The following SORCS3 variants were observed in gnomAD, a reference collection of about 807,000 sequenced individuals.
SORCS3 encodes the protein sortilin related VPS10 domain containing receptor 3.
SORCS3 carries 57 observed loss-of-function variants against 146.3 expected under a neutral mutation model. The ratio of observed to expected loss-of-function variants is 0.39; its 90% CI spans 0.31 to 0.49. SORCS3 has a LOEUF of 0.49. Among genes scored for constraint, SORCS3 ranks in the 20% least tolerant of loss-of-function variants. The pLI is 0.92. For missense variants in SORCS3, 1,341 were observed against 1,575.5 expected (o/e 0.85, Z 2.52); for synonymous variants, 653 against 618.5 (o/e 1.06, Z -0.83).
chr10:105,020,174 GC>G (rs1332177926), intron 4 of SORCS3, among the ~76,000 whole-genome samples: 1 of 152,168 alleles, frequency 6.6e-6, no homozygotes, highest in Non-Finnish European at 1.5e-5. Context: ...GCATCAGGAA[GC>G]TTTTTGGCTC....
intron 3 of SORCS3, among the ~76,000 whole-genome samples, chr10:104,942,397 C>T (rs2019329238): frequency 6.6e-6 from 1 of 152,036 alleles, no homozygotes; most frequent in Non-Finnish European, 1.5e-5. Context: ...CTAGATCTTA[C>T]AGAAATTCTG....
intron 8 of SORCS3, among the ~76,000 whole-genome samples, chr10:105,147,194 T>G (rs1228942122): frequency 6.6e-6 from 1 of 152,082 alleles, no homozygotes; most frequent in Non-Finnish European, 1.5e-5. Context: ...TCTGAAGATT[T>G]TAAAGAAAAC....
intron 5 of SORCS3, among the ~76,000 whole-genome samples, chr10:105,046,943 A>G (rs2055376263): frequency 6.6e-6 from 1 of 152,138 alleles, no homozygotes; most frequent in Non-Finnish European, 1.5e-5. Flanking sequence ...AGAGCAGATA[A>G]ATGGAGTAAG....
chr10:104,829,955 T>C (rs905036874), intron 1 of SORCS3, among the ~76,000 whole-genome samples: 2 of 152,190 alleles, frequency 1.3e-5, no homozygotes, highest in Admixed American at 6.5e-5. Flanking sequence ...TACATAGGTA[T>C]ACATGTGCCA....
intron 2 of SORCS3, among the ~76,000 whole-genome samples, chr10:104,860,467 C>T (rs1340883531): frequency 2.8e-5 from 4 of 144,734 alleles, no homozygotes; most frequent in Admixed American, 1.4e-4. Flanking sequence ...ATACCTAATG[C>T]TAAATGACGA....
chr10:104,848,636 G>A (rs1037007497), intron 2 of SORCS3, among the ~76,000 whole-genome samples: 40 of 152,174 alleles, frequency 2.6e-4, no homozygotes, highest in Admixed American at 2.1e-3. Flanking sequence ...CCGAAGGCTG[G>A]GCTGATATAA....
chr10:105,195,646 C>G (rs1455585096), intron 14 of SORCS3, among the ~76,000 whole-genome samples: 1 of 152,160 alleles, frequency 6.6e-6, no homozygotes, highest in Non-Finnish European at 1.5e-5. Context: ...GAAGCTGGGT[C>G]TATACAAAAG....
rs540090991 is a variant in SORCS3 at position 104,648,100 on chromosome 10, G to A, written c.627+6146G>A. ...CACATGACAACAAGACAGATGCCAT[G>A]GGGTGATATGTGGTTAATTGTCAAG... On this transcript the variant is annotated intron_variant, in intron 1 of 26. Coordinates refer to ENST00000369701, the MANE Select transcript of SORCS3 (RefSeq NM_014978.3). 2.0e-5 allele frequency among the ~76,000 whole-genome samples: 3 copies of A among 152,334 alleles called. No individual in the cohort carries two copies. The East Asian group carries it at 5.8e-4, about 29-fold the overall frequency.
At chr10:104,696,721 A>G (rs189892511) in intron 1 of SORCS3, among the ~76,000 whole-genome samples, 22 of 28,590 alleles carry the variant, frequency 7.7e-4, no homozygotes, top group Non-Finnish European at 1.4e-3. Context: ...ATAATATATA[A>G]CATATATAAT....
intron 9 of SORCS3, among the ~76,000 whole-genome samples, chr10:105,149,923 T>A (rs2056156669): frequency 6.6e-6 from 1 of 152,182 alleles, no homozygotes; most frequent in Non-Finnish European, 1.5e-5. Flanking sequence ...GTTTTCAGTC[T>A]TATTGAAGAA....
chr10:104,841,714 G>A lies in SORCS3; in HGVS notation c.628-1078G>A, dbSNP rs754100573. ...ACCTAGAATGGGAAAGTCCCATCTC[G>A]GTAGCAGAAATTCATTATCTCGGAA... is the stretch of plus-strand genomic sequence containing the variant. On this transcript the variant is annotated intron_variant, in intron 1 of 26. Coordinates refer to ENST00000369701, the MANE Select transcript of SORCS3 (RefSeq NM_014978.3). Among the ~76,000 whole-genome samples the A allele has an allele frequency of 4.6e-5, 7 of 152,086 alleles. No individual in the cohort carries two copies. In the East Asian group the frequency reaches 1.4e-3, roughly 29 times the overall value.
intron 1 of SORCS3, among the ~76,000 whole-genome samples, chr10:104,671,942 T>C (rs529313489): frequency 9.2e-5 from 14 of 152,316 alleles, no homozygotes; most frequent in African/African-American, 3.1e-4. Context: ...TCTTTTCTTA[T>C]AGTGTCTTTG....
intron 7 of SORCS3, among the ~76,000 whole-genome samples, chr10:105,115,185 A>G (rs1278827098): frequency 6.6e-6 from 1 of 152,176 alleles, no homozygotes; most frequent in African/African-American, 2.4e-5. Flanking sequence ...CCAGCCAGGA[A>G]ATACGACACA....
intron 3 of SORCS3, 30 bp downstream of exon 3, chr10:104,915,962 A>G (rs773484373): frequency 3.2e-6 from 5 of 1,541,992 alleles, no homozygotes; most frequent in African/African-American, 1.4e-5. Context: ...GGTCCTGAGC[A>G]CTCCTGCTGG....
chr10:104,988,129 C>G (rs564058151), intron 4 of SORCS3, among the ~76,000 whole-genome samples: 12 of 151,994 alleles, frequency 7.9e-5, no homozygotes, highest in African/African-American at 2.7e-4. Context: ...GAAGGGCATT[C>G]TAACTTGTTC....
chr10:105,263,415 A>G lies in SORCS3; in HGVS notation c.*41A>G. On this transcript the variant is annotated 3_prime_UTR_variant, in exon 27 of 27. Transcript: ENST00000369701. ...TGGTCAACCACCTTTCTGACTTTTT[A>G]TTTTTGATGATTACTATTACTATTA... The G allele has an allele frequency of 6.4e-7, 1 of 1,557,692 alleles. No homozygotes were observed. Among genetic ancestry groups the G allele is most frequent in the South Asian group, 1.1e-5 (1 of 89,422 alleles).
At chr10:104,934,554 T>G (rs2019241061) in intron 3 of SORCS3, among the ~76,000 whole-genome samples, 1 of 152,158 alleles carries the variant, frequency 6.6e-6, no homozygotes, top group African/African-American at 2.4e-5. Context: ...GTGAGAGGAT[T>G]TAAATTTTTT....
intron 1 of SORCS3, among the ~76,000 whole-genome samples, chr10:104,720,569 C>T (rs1003626688): frequency 3.9e-5 from 6 of 152,138 alleles, no homozygotes; most frequent in South Asian, 2.1e-4. Context: ...CCACAATGGT[C>T]GAACTAGTTT....
rs1460884443 is a variant in SORCS3, at chr10:104,778,122, G to A, written c.628-64670G>A. 2.6e-5 allele frequency among the ~76,000 whole-genome samples: 4 copies of A among 152,194 alleles called. No individual in the cohort carries two copies. In the East Asian group the frequency reaches 7.7e-4, roughly 29 times the overall value. On this transcript the variant is annotated intron_variant, in intron 1 of 26. Coordinates refer to ENST00000369701, the MANE Select transcript of SORCS3 (RefSeq NM_014978.3). Reference sequence around the variant, plus strand: ...AAGTAGCTAGAAGAGAAGAATTGGAGTGTTGCCAACACAAAAGGACAAATG... The same window carrying A: ...AAGTAGCTAGAAGAGAAGAATTGGAATGTTGCCAACACAAAAGGACAAATG...
Sources: gnomAD v4.1 joint callset for allele counts (sites outside exome capture counted in the v4.1 genomes callset) on GRCh38, gnomAD v4.1.1 for gene constraint, MANE v1.5 for transcripts, NCBI Gene and HGNC (gene_info 2026-07-23, HGNC 2026-07-21) for gene names.